Variants in MEGF9 observed in about 807,000 individuals in gnomAD.
MEGF9 encodes multiple epidermal growth factor-like domains protein 9.
Under a neutral mutation model 46.8 loss-of-function variants are expected in MEGF9, and 6 were observed. The ratio of observed to expected loss-of-function variants is 0.13; its 90% CI spans 0.07 to 0.25. The LOEUF is 0.25. Ranked by LOEUF, MEGF9 falls within the 10% of genes least tolerant of loss-of-function variation. The pLI, the probability that MEGF9 is intolerant of heterozygous loss-of-function variation, is 1.00. For missense variants in MEGF9, 683 were observed against 792.4 expected (o/e 0.86, Z 1.66); for synonymous variants, 302 against 330.7 (o/e 0.91, Z 0.94).
chr9:120,712,454 C>T (rs1422841426), intron 1 of MEGF9, among the ~76,000 whole-genome samples: 1 of 152,164 alleles, frequency 6.6e-6, no homozygotes, highest in Non-Finnish European at 1.5e-5. Flanking sequence ...TACTCTCAAC[C>T]ACTATGCTTC....
intron 1 of MEGF9, among the ~76,000 whole-genome samples, chr9:120,675,887 C>CAAAAAA (rs1173047863): frequency 4.7e-4 from 27 of 58,056 alleles, no homozygotes; most frequent in Middle Eastern, 0.011. Context: ...GACTCCATCT[C>CAAAAAA]AAAAAAAAAA....
At chr9:120,648,774 T>C (rs2043636262) in intron 2 of MEGF9, among the ~76,000 whole-genome samples, 1 of 152,270 alleles carries the variant, frequency 6.6e-6, no homozygotes, top group African/African-American at 2.4e-5. Context: ...AAAGCAGCTG[T>C]TACTGTCCAG....
At chr9:120,709,919 C>T (rs986958881) in intron 1 of MEGF9, among the ~76,000 whole-genome samples, 16 of 150,406 alleles carry the variant, frequency 1.1e-4, no homozygotes, top group African/African-American at 3.4e-4. Flanking sequence ...CATGGTGGTG[C>T]GCACCTGTAA....
chr9:120,682,402 G>A (rs1191386291), intron 1 of MEGF9, among the ~76,000 whole-genome samples: 1 of 152,112 alleles, frequency 6.6e-6, no homozygotes, highest in Non-Finnish European at 1.5e-5. Flanking sequence ...TGTAATGCCT[G>A]GAAAATTCAT....
intron 2 of MEGF9, among the ~76,000 whole-genome samples, chr9:120,651,915 T>C (rs1019550169): frequency 6.6e-6 from 1 of 151,558 alleles, no homozygotes; most frequent in Non-Finnish European, 1.5e-5. Flanking sequence ...CCTCCCAAAG[T>C]GCTGGGATTA....
chr9:120,709,741 C>G (rs1393047520), intron 1 of MEGF9, among the ~76,000 whole-genome samples: 1 of 152,144 alleles, frequency 6.6e-6, no homozygotes, highest in Non-Finnish European at 1.5e-5. Context: ...CCTAAGGGTC[C>G]ATAATTTTTA....
intron 5 of MEGF9, among the ~76,000 whole-genome samples, chr9:120,606,766 G>A (rs934066492): frequency 1.5e-4 from 23 of 151,944 alleles, no homozygotes; most frequent in African/African-American, 4.8e-4. Context: ...TAATGCTTAC[G>A]GTGCTTGGCA....
chr9:120,674,211 A>G (rs2043762915), intron 1 of MEGF9, among the ~76,000 whole-genome samples: 1 of 152,218 alleles, frequency 6.6e-6, no homozygotes, highest in Non-Finnish European at 1.5e-5. Flanking sequence ...ACACAGCCAT[A>G]GACTGGGAGA....
At chr9:120,664,695 T>C (rs928109376) in intron 1 of MEGF9, among the ~76,000 whole-genome samples, 26 of 152,180 alleles carry the variant, frequency 1.7e-4, no homozygotes, top group African/African-American at 6.3e-4. Flanking sequence ...TACAAAATTA[T>C]CGCACTTAAG....
intron 1 of MEGF9, among the ~76,000 whole-genome samples, chr9:120,687,010 AT>A (rs2043825829): frequency 6.6e-6 from 1 of 152,050 alleles, no homozygotes; most frequent in Admixed American, 6.6e-5. Context: ...AAATGCTGAA[AT>A]TAAGCCAACT....
At chr9:120,656,946 G>GTTTTATTTTATTCATTTTA (rs1191754202) in intron 2 of MEGF9, among the ~76,000 whole-genome samples, 2 of 152,070 alleles carry the variant, frequency 1.3e-5, no homozygotes, top group African/African-American at 4.8e-5. Flanking sequence ...ATAAAATAAA[G>GTTTTATTTTATTCATTTTA]GTTAAAGTGA....
chr9:120,642,432 TTTA>T (rs1202105176), intron 2 of MEGF9, among the ~76,000 whole-genome samples: 3 of 152,228 alleles, frequency 2.0e-5, no homozygotes, highest in Non-Finnish European at 4.4e-5. Flanking sequence ...AGTTCTGCCA[TTTA>T]TTAGTTATGC....
chr9:120,701,983 C>T (rs1042562142), intron 1 of MEGF9, among the ~76,000 whole-genome samples: 1 of 151,714 alleles, frequency 6.6e-6, no homozygotes, highest in African/African-American at 2.4e-5. Context: ...GCGGAGCTTG[C>T]AGTGAGCCGA....
chr9:120,630,741 T>C (rs148349382), intron 2 of MEGF9, among the ~76,000 whole-genome samples: 190 of 152,370 alleles, frequency 1.2e-3, no homozygotes, highest in Non-Finnish European at 2.1e-3. Flanking sequence ...AGTTTTGATT[T>C]GTACTTCTCT....
At chr9:120,608,899 CTCT>C (rs2043432263) in intron 4 of MEGF9, among the ~76,000 whole-genome samples, 1 of 152,326 alleles carries the variant, frequency 6.6e-6, no homozygotes, top group Admixed American at 6.5e-5. Flanking sequence ...CCACGGATGT[CTCT>C]TTCCATTCCC....
Position 120,673,004 on chromosome 9 carries a change from C to T in MEGF9, c.602-13429G>A, listed in dbSNP as rs62578015. Among the ~76,000 whole-genome samples, 743 of 152,176 alleles carry T rather than the reference C, an allele frequency of 4.9e-3. 5 individuals carry two copies. Among genetic ancestry groups the T allele is most frequent in the Non-Finnish European group, 7.0e-3 (478 of 68,002 alleles). ...CGCCATTGCACTCCAGCCTGGGCAA[C>T]AAGGGCAAAACTCCGTCTCAAAAAA... is the stretch of plus-strand genomic sequence containing the variant. On this transcript the variant is annotated intron_variant, in intron 1 of 5. Transcript: ENST00000373930.
At position 120,604,283 on chromosome 9, in the gene MEGF9, G is replaced by A. The variant is rs1470308358; in HGVS notation, c.*907C>T. 6.6e-6 allele frequency: 1 copy of A among 152,320 alleles called. No homozygotes were observed. Among genetic ancestry groups the A allele is most frequent in the Non-Finnish European group, 1.5e-5 (1 of 68,032 alleles). The allele number at this position is 152,320 out of a possible 1,614,324, so 9.4% of individuals were successfully genotyped here. A position where few individuals can be genotyped will look rare whatever the true frequency, so the allele number is the denominator to read the frequency against. On this transcript the variant is annotated 3_prime_UTR_variant, in exon 6 of 6. Transcript: ENST00000373930. ...CTAAAAATGACGGATGCTCACCAGAGTCCCAGCTCTAGCAATATTGCCATC... is the reference window on the plus strand; with the variant it reads ...CTAAAAATGACGGATGCTCACCAGAATCCCAGCTCTAGCAATATTGCCATC...
intron 1 of MEGF9, among the ~76,000 whole-genome samples, chr9:120,711,667 A>G (rs1329065820): frequency 6.6e-6 from 1 of 152,216 alleles, no homozygotes; most frequent in South Asian, 2.1e-4. Context: ...CATGAATTAC[A>G]CAGATTTATT....
At chr9:120,639,063 T>C (rs2043591071) in intron 2 of MEGF9, among the ~76,000 whole-genome samples, 1 of 152,246 alleles carries the variant, frequency 6.6e-6, no homozygotes, top group Admixed American at 6.5e-5. Flanking sequence ...TCATATGCTG[T>C]AATTATCTTC....
Sources: gnomAD v4.1 joint callset for allele counts (sites outside exome capture counted in the v4.1 genomes callset) on GRCh38, gnomAD v4.1.1 for gene constraint, MANE v1.5 for transcripts, NCBI Gene and HGNC (gene_info 2026-07-23, HGNC 2026-07-21) for gene names.